NOLC1: variants seen among roughly 807,000 people sequenced by gnomAD.
NOLC1 encodes nucleolar and coiled-body phosphoprotein 1, also known as 140 kDa nucleolar phosphoprotein.
NOLC1 carries 37 observed loss-of-function variants against 73.4 expected under a neutral mutation model. That is an observed-to-expected ratio of 0.50 (90% CI 0.39 to 0.66). The LOEUF (loss-of-function observed/expected upper bound fraction) is 0.66. Among genes scored for constraint, NOLC1 ranks in the 30% least tolerant of loss-of-function variants. The probability of loss-of-function intolerance (pLI) is 0.00; values close to 1 mark genes in which losing one functional copy is unlikely to be tolerated. For synonymous variants in NOLC1, 327 were observed against 302.6 expected (o/e 1.08, Z -0.84); for missense variants, 921 against 838.9 (o/e 1.10, Z -1.21).
rs1465416622 is a variant in NOLC1 at position 102,163,709 on chromosome 10, T to C, written c.*1440T>C. The C allele has an allele frequency of 6.6e-6, 1 of 152,236 alleles. No homozygotes were observed. The highest frequency in any genetic ancestry group is 2.4e-5 in the African/African-American group (1 of 41,456). The allele number at this position is 152,236 out of a possible 1,614,324, so 9.4% of individuals were successfully genotyped here. ...GGTCTTAAGATTAGTCTCCTCTTGT[T>C]TGGATTCCATACTTGCTAAATAACC... On this transcript the variant is annotated 3_prime_UTR_variant, in exon 13 of 13. Transcript: ENST00000605788.
In NOLC1 at chr10:102,158,132, C is replaced by G; in HGVS notation, c.525C>G (p.Ser175=). 5 of 1,614,064 alleles carry G rather than the reference C, an allele frequency of 3.1e-6. No homozygotes were observed. The highest frequency in any genetic ancestry group is 4.2e-6 in the Non-Finnish European group (5 of 1,179,966). Residue 175 remains serine (S), a synonymous_variant, in exon 5 of 13, where the codon TCC becomes TCG. Transcript: ENST00000605788. ...KSSDSDSDSS[S]EDEPPKNQKP... Reference sequence around the variant, plus strand: ...CTGATTCTGATTCTGACTCAAGCTCCGAGGATGAGCCACCAAAGAACCAGA... The same window carrying G: ...CTGATTCTGATTCTGACTCAAGCTCGGAGGATGAGCCACCAAAGAACCAGA...
chr10:102,159,149 T>C (rs768638569), intron 5 of NOLC1, 44 bp from the exon 6 acceptor site: 42 of 1,602,270 alleles, frequency 2.6e-5, no homozygotes, highest in Non-Finnish European at 3.4e-5. Flanking sequence ...TGGTCCTGAC[T>C]TGCCCTAATA....
chr10:102,159,126 A>C, intron 5 of NOLC1, 67 bp from the exon 6 acceptor site: 1 of 1,427,778 alleles, frequency 7.0e-7, no homozygotes, highest in South Asian at 1.2e-5. Flanking sequence ...GCTCATAGGA[A>C]GGAGGTTTTT....
intron 5 of NOLC1, among the ~76,000 whole-genome samples, chr10:102,158,450 A>G (rs2069638811): frequency 6.6e-6 from 1 of 152,182 alleles, no homozygotes; most frequent in African/African-American, 2.4e-5. Context: ...AATGGTATCC[A>G]TTTGGTATTT....
rs1482634547 is a variant in NOLC1, at chr10:102,152,405, T to C, written c.-6T>C. 1.2e-6 allele frequency: 2 copies of C among 1,609,146 alleles called. No individual in the cohort carries two copies. Among genetic ancestry groups the C allele is most frequent in the African/African-American group, 1.3e-5 (1 of 75,062 alleles). ...GACAACGGTAGTGACGCGTATTGCC[T>C]GGAGGATGGCGGACGCCGGCATTCG... is the stretch of plus-strand genomic sequence containing the variant. On this transcript the variant is annotated 5_prime_UTR_variant, in exon 1 of 13. Transcript: ENST00000605788.
At chr10:102,157,135 C>G (rs1285232228) in intron 2 of NOLC1, 54 bp from the exon 3 acceptor site, 1 of 1,613,814 alleles carries the variant, frequency 6.2e-7, no homozygotes, top group Non-Finnish European at 8.5e-7. Flanking sequence ...GGCTGTGTTT[C>G]TTGGTTTGGG....
Position 102,160,327 on chromosome 10 carries a change from C to T in NOLC1, c.1083C>T (p.Ser361=). The T allele has an allele frequency of 6.2e-7, 1 of 1,614,178 alleles. No homozygotes were observed. Among genetic ancestry groups the T allele is most frequent in the Non-Finnish European group, 8.5e-7 (1 of 1,179,992 alleles). ...KPPPAKKAAE[S]SSDSSDSDSS... ...CTCCAGCAAAGAAAGCAGCAGAGAGCTCTTCAGACAGCTCAGGTAAGGCAT... is the reference window on the plus strand; with the variant it reads ...CTCCAGCAAAGAAAGCAGCAGAGAGTTCTTCAGACAGCTCAGGTAAGGCAT... The change falls in exon 9 of 13, where the codon AGC becomes AGT. Residue 361 remains serine (S), a synonymous_variant. Coordinates refer to ENST00000605788, the MANE Select transcript of NOLC1 (RefSeq NM_004741.5).
In NOLC1 at chr10:102,161,911, T is replaced by C; in HGVS notation, c.1927T>C (p.Ser643Pro). ...GGTGGATTCACGAGTTGCGGACAAC[T>C]CCTTTGATGCCAAGGTGAGAGAGAG... is the stretch of plus-strand genomic sequence containing the variant. The part of the protein sequence containing the change: ...IEVDSRVADN[S>P]FDAKRGAAGD... Residue 643 changes from serine (S) to proline (P), a missense_variant, in exon 12 of 13, where the codon TCC (serine) becomes CCC (proline). Coordinates refer to ENST00000605788, the MANE Select transcript of NOLC1 (RefSeq NM_004741.5). 6.2e-7 allele frequency: 1 copy of C among 1,614,116 alleles called. No individual in the cohort carries two copies. The highest frequency in any genetic ancestry group is 8.5e-7 in the Non-Finnish European group (1 of 1,179,994).
intron 12 of NOLC1, 30 bp downstream of exon 12, chr10:102,161,955 A>AG: frequency 6.2e-7 from 1 of 1,607,674 alleles, no homozygotes; most frequent in Non-Finnish European, 8.5e-7. Flanking sequence ...CATTCTTGGG[A>AG]GGGAGGATGG....
At position 102,163,259 on chromosome 10, in the gene NOLC1, A is replaced by C. The variant is rs1217272146; in HGVS notation, c.*990A>C. 6.6e-6 allele frequency: 1 copy of C among 151,676 alleles called. No homozygotes were observed. The highest frequency in any genetic ancestry group is 2.4e-5 in the African/African-American group (1 of 41,446). The allele number at this position is 151,676 out of a possible 1,614,324, so 9.4% of individuals were successfully genotyped here. A position where few individuals can be genotyped will look rare whatever the true frequency, so the allele number is the denominator to read the frequency against. On this transcript the variant is annotated 3_prime_UTR_variant, in exon 13 of 13. Transcript: ENST00000605788. ...GATCAAGAAAGTGGGGGGAAAAAAA[A>C]CAAACGTTAAAACCTCAATCCTCAG...
At chr10:102,154,548 C>T (rs937585826) in intron 1 of NOLC1, among the ~76,000 whole-genome samples, 1 of 152,124 alleles carries the variant, frequency 6.6e-6, no homozygotes, top group Non-Finnish European at 1.5e-5. Context: ...CACAGAGTCT[C>T]ACTGTTGCCC....
rs146074746 is a variant in NOLC1, at chr10:102,159,469, G to C, written c.760G>C (p.Val254Leu). 7 of 1,614,098 alleles carry C rather than the reference G, an allele frequency of 4.3e-6. No individual in the cohort carries two copies. The highest frequency in any genetic ancestry group is 1.3e-5 in the African/African-American group (1 of 74,932). The change falls in exon 7 of 13, where the codon GTG (valine) becomes CTG (leucine). Residue 254 changes from valine to leucine, a missense_variant. By Grantham distance (32) the Val-to-Leu change is conservative (BLOSUM62 1). Transcript: ENST00000605788. ...PKKQVVAKAP[V>L]KAATTPTRKS... ...AAAGCAAGTTGTGGCCAAGGCCCCA[G>C]TGAAAGCAGCTACCACCCCTACCCG...
chr10:102,159,931 C>G lies in NOLC1; in HGVS notation c.895C>G (p.Pro299Ala), dbSNP rs1194847290. The G allele has an allele frequency of 5.6e-6, 9 of 1,608,264 alleles. No individual in the cohort carries two copies. Among genetic ancestry groups the G allele is most frequent in the Non-Finnish European group, 7.6e-6 (9 of 1,177,404 alleles). Reference protein sequence around the residue: ...YSSVPPPSAPPPKKSLGTQPP... With the variant: ...YSSVPPPSAPAPKKSLGTQPP... ...TTCAGTCCCCCCGCCTTCTGCTCCC[C>G]CACCAAAGAAGTCTCTGGGAACCCA... Residue 299 changes from proline (P) to alanine (A), a missense_variant, in exon 8 of 13, where the codon CCA (proline) becomes GCA (alanine). Physicochemically the swap from Pro to Ala is conservative, Grantham distance 27 (BLOSUM62 -1). Transcript: ENST00000605788.
At position 102,158,087 on chromosome 10, in the gene NOLC1, T is replaced by G; in HGVS notation, c.480T>G (p.Pro160=). 6.2e-7 allele frequency: 1 copy of G among 1,614,018 alleles called. No homozygotes were observed. Among genetic ancestry groups the G allele is most frequent in the African/African-American group, 1.3e-5 (1 of 75,008 alleles). ...VKPQAKAAKA[P]PKKAKSSDSD... ...CCCAAGCCAAGGCAGCCAAAGCTCC[T>G]CCTAAGAAGGCCAAGAGCTCTGATT... The change falls in exon 5 of 13, where the codon CCT becomes CCG. Residue 160 remains proline, a synonymous_variant. Transcript: ENST00000605788.
intron 6 of NOLC1, 36 bp from the exon 7 acceptor site, chr10:102,159,397 A>T: frequency 3.7e-6 from 6 of 1,613,918 alleles, no homozygotes; most frequent in Non-Finnish European, 5.1e-6. Context: ...TTGGGTCAGC[A>T]TTTTCCTGTG....
chr10:102,160,618 C>CAGCAGCTCCAGTGAGGAAGAG lies in NOLC1; in HGVS notation c.1284_1304dup (p.Ser430_Glu436dup), dbSNP rs759634865. 5.0e-6 allele frequency: 8 copies of CAGCAGCTCCAGTGAGGAAGAG among 1,614,110 alleles called. No individual in the cohort carries two copies. The highest frequency in any genetic ancestry group is 6.8e-6 in the Non-Finnish European group (8 of 1,180,054). On this transcript the variant is annotated inframe_insertion, in exon 10 of 13. Coordinates refer to ENST00000605788, the MANE Select transcript of NOLC1 (RefSeq NM_004741.5). ...AGAAGCTTCTGACGAGAAAGGCTGACAGCAGCTCCAGTGAGGAAGAGAGCA... is the reference window on the plus strand; with the variant it reads ...AGAAGCTTCTGACGAGAAAGGCTGACAGCAGCTCCAGTGAGGAAGAGAGCAGCTCCAGTGAGGAAGAGAGCA...
At chr10:102,159,628 A>T (rs1244644549) in intron 7 of NOLC1, 60 bp downstream of exon 7, 1 of 1,543,418 alleles carries the variant, frequency 6.5e-7, no homozygotes, top group African/African-American at 1.4e-5. Context: ...TGCAGTAACC[A>T]CATGGACCTC....
chr10:102,157,997 T>A (rs377072413), intron 4 of NOLC1, 52 bp from the exon 5 acceptor site: 2 of 1,553,414 alleles, frequency 1.3e-6, no homozygotes, highest in Non-Finnish European at 1.8e-6. Context: ...AGGATGCCCT[T>A]TGGGTACCCG....
intron 1 of NOLC1, among the ~76,000 whole-genome samples, chr10:102,154,857 T>A (rs538042452): frequency 6.6e-6 from 1 of 151,660 alleles, no homozygotes; most frequent in South Asian, 2.1e-4. Flanking sequence ...TGTATTGTTT[T>A]GTGTTTGTTT....
Sources: allele counts gnomAD v4.1 joint callset (sites outside exome capture counted in the v4.1 genomes callset), GRCh38; gene constraint gnomAD v4.1.1; transcripts MANE v1.5; gene names NCBI Gene and HGNC (gene_info 2026-07-23, HGNC 2026-07-21).